Variants in AKAP7 observed in about 807,000 individuals in gnomAD.
AKAP7 encodes A kinase (PRKA) anchor protein 7.
AKAP7 carries 39 observed loss-of-function variants against 39.5 expected under a neutral mutation model. The observed-to-expected ratio is 0.99, with a 90% confidence interval of 0.76 to 1.29. AKAP7 has a LOEUF of 1.29. Among genes scored for constraint, AKAP7 ranks in the 50% most tolerant of loss-of-function variants. The probability of loss-of-function intolerance (pLI) is 0.00; values close to 1 mark genes in which losing one functional copy is unlikely to be tolerated. For missense variants in AKAP7, 414 were observed against 407.7 expected (o/e 1.02, Z -0.13); for synonymous variants, 140 against 139.1 (o/e 1.01, Z -0.05).
chr6:131,253,720 A>C (rs945086956), intron 7 of AKAP7, among the ~76,000 whole-genome samples: 1 of 152,062 alleles, frequency 6.6e-6, no homozygotes, highest in East Asian at 1.9e-4. Context: ...GAATGAGAAC[A>C]TACAATATTT....
chr6:131,167,134 G>A (rs566018704), intron 4 of AKAP7, among the ~76,000 whole-genome samples: 12 of 152,112 alleles, frequency 7.9e-5, no homozygotes, highest in South Asian at 6.2e-4. Context: ...TGAGAATTTC[G>A]TTTCTTATAT....
intron 5 of AKAP7, among the ~76,000 whole-genome samples, chr6:131,190,664 A>G (rs983877407): frequency 2.6e-5 from 4 of 152,000 alleles, no homozygotes; most frequent in African/African-American, 9.7e-5. Flanking sequence ...AAAAGGAAAA[A>G]AAGAGAAAAA....
At chr6:131,162,902 A>C (rs1803124500) in intron 3 of AKAP7, among the ~76,000 whole-genome samples, 1 of 152,154 alleles carries the variant, frequency 6.6e-6, no homozygotes, top group Non-Finnish European at 1.5e-5. Context: ...TCATCCTTGC[A>C]ACTTGACACT....
intron 6 of AKAP7, among the ~76,000 whole-genome samples, chr6:131,217,784 A>G (rs1233381662): frequency 6.6e-6 from 1 of 152,244 alleles, no homozygotes; most frequent in African/African-American, 2.4e-5. Context: ...AGTGAAGATT[A>G]TAGCAATAGT....
chr6:131,192,610 T>A (rs1180065786), intron 5 of AKAP7, among the ~76,000 whole-genome samples: 1 of 152,206 alleles, frequency 6.6e-6, no homozygotes, highest in Non-Finnish European at 1.5e-5. Context: ...TTTTTTCTAT[T>A]TCTGTGAAGA....
the AKAP7 span, among the ~76,000 whole-genome samples, chr6:131,130,239 A>T: frequency 6.6e-6 from 1 of 152,144 alleles, no homozygotes; most frequent in Non-Finnish European, 1.5e-5. Flanking sequence ...AGGTCCCAAA[A>T]ATCTTCTGTG....
intron 6 of AKAP7, among the ~76,000 whole-genome samples, chr6:131,203,549 A>G (rs994309215): frequency 6.6e-6 from 1 of 152,158 alleles, no homozygotes; most frequent in Non-Finnish European, 1.5e-5. Context: ...TTAGCTGAAT[A>G]TATGCTTACT....
In AKAP7 at chr6:131,282,132, A is replaced by T; in HGVS notation, c.*406A>T. On this transcript the variant is annotated 3_prime_UTR_variant, in exon 8 of 8. Coordinates refer to ENST00000431975, the MANE Select transcript of AKAP7 (RefSeq NM_016377.4). ...GCCAGAACTCTCACACACAGCTATC[A>T]AGTGCTAAGTTTAAAATAATCACTG... The T allele has an allele frequency of 8.5e-7, 1 of 1,182,760 alleles. No individual in the cohort carries two copies. 73.3% of individuals were successfully genotyped at this position (1,182,760 alleles called of 1,614,324 possible).
At chr6:131,250,551 C>T (rs78650056) in intron 7 of AKAP7, 1 of 1,613,852 alleles carries the variant, frequency 6.2e-7, no homozygotes, top group East Asian at 2.2e-5. Flanking sequence ...CCAGGAAAGA[C>T]AGACAGGACC....
At chr6:131,184,845 A>T in intron 5 of AKAP7, 1 of 1,471,020 alleles carries the variant, frequency 6.8e-7, no homozygotes, top group Non-Finnish European at 9.5e-7. Flanking sequence ...GGTTCTTGTA[A>T]CGTTTTCCAC....
At chr6:131,132,784 C>A (rs554220471), upstream of AKAP7, among the ~76,000 whole-genome samples, 1 of 152,264 alleles carries the variant, frequency 6.6e-6, no homozygotes, top group Non-Finnish European at 1.5e-5. Flanking sequence ...GGCAAGACTA[C>A]CTTGCAGTGA....
chr6:131,241,953 A>C (rs981305701), intron 7 of AKAP7: 22 of 734,824 alleles, frequency 3.0e-5, no homozygotes, highest in Non-Finnish European at 3.3e-5. Context: ...TCTGGTAGAA[A>C]TGAAGATAAT....
chr6:131,204,909 A>G (rs1807941137), intron 6 of AKAP7, among the ~76,000 whole-genome samples: 1 of 152,144 alleles, frequency 6.6e-6, no homozygotes, highest in African/African-American at 2.4e-5. Flanking sequence ...TGTCCTCCTT[A>G]TATTTCAATT....
chr6:131,196,968 C>G (rs745306799), intron 5 of AKAP7, among the ~76,000 whole-genome samples: 2 of 151,976 alleles, frequency 1.3e-5, no homozygotes, highest in Non-Finnish European at 2.9e-5. Flanking sequence ...ATTTATAACT[C>G]TGGTCTCCTC....
intron 5 of AKAP7, among the ~76,000 whole-genome samples, chr6:131,197,207 T>G (rs530965665): frequency 3.0e-4 from 46 of 152,198 alleles, no homozygotes; most frequent in Non-Finnish European, 6.0e-4. Flanking sequence ...CATATGGTTA[T>G]TTATCAACCA....
intron 7 of AKAP7, among the ~76,000 whole-genome samples, chr6:131,235,848 A>G (rs1056377774): frequency 6.6e-5 from 10 of 152,100 alleles, no homozygotes; most frequent in African/African-American, 1.4e-4. Context: ...ATTTTCTCCC[A>G]TTCTGTATGT....
intron 7 of AKAP7, among the ~76,000 whole-genome samples, chr6:131,279,502 C>T (rs1369073915): frequency 6.6e-6 from 1 of 152,114 alleles, no homozygotes. Context: ...CTCTTGACCT[C>T]GTGATCCACC....
chr6:131,250,475 C>T (rs553423253), intron 7 of AKAP7: 2 of 1,591,730 alleles, frequency 1.3e-6, no homozygotes, highest in Middle Eastern at 1.7e-4. Flanking sequence ...GTGAAAAAGG[C>T]AGGGTGTGCT....
chr6:131,265,028 A>G lies in AKAP7; in HGVS notation c.851-16502A>G, dbSNP rs74856117. Among the ~76,000 whole-genome samples the G allele has an allele frequency of 3.3e-5, 5 of 152,332 alleles. No homozygotes were observed. The East Asian group carries it at 9.6e-4, about 29-fold the overall frequency. ...GGCCCCACCTTCAACACTGGGGATT[A>G]TATTCCAATATGAGATTTTGAGGGG... On this transcript the variant is annotated intron_variant, in intron 7 of 7. Transcript: ENST00000431975.
Sources: gnomAD v4.1 joint callset for allele counts (sites outside exome capture counted in the v4.1 genomes callset) on GRCh38, gnomAD v4.1.1 for gene constraint, MANE v1.5 for transcripts, NCBI Gene and HGNC (gene_info 2026-07-23, HGNC 2026-07-21) for gene names.